PPP2R2B: variants seen among roughly 807,000 people sequenced by gnomAD.
The protein encoded by PPP2R2B is serine/threonine-protein phosphatase 2A 55 kDa regulatory subunit B beta isoform.
PPP2R2B carries 5 observed loss-of-function variants against 46.0 expected under a neutral mutation model. That is an observed-to-expected ratio of 0.11 (90% CI 0.06 to 0.23). The LOEUF (loss-of-function observed/expected upper bound fraction) is 0.23, where lower values mean the gene tolerates loss of function less well. Among genes scored for constraint, PPP2R2B ranks in the 10% least tolerant of loss-of-function variants. The pLI is 1.00. For missense variants in PPP2R2B, 367 were observed against 575.0 expected (o/e 0.64, Z 3.70); for synonymous variants, 215 against 206.7 (o/e 1.04, Z -0.34).
intron 2 of PPP2R2B, among the ~76,000 whole-genome samples, chr5:146,799,573 G>T (rs1561916406): frequency 6.6e-6 from 1 of 152,126 alleles, no homozygotes; most frequent in Non-Finnish European, 1.5e-5. Context: ...TGAGTTTTGG[G>T]TTAAAAGTGC....
At chr5:146,602,211 CATT>C in intron 7 of PPP2R2B, among the ~76,000 whole-genome samples, 1 of 152,212 alleles carries the variant, frequency 6.6e-6, no homozygotes, top group Non-Finnish European at 1.5e-5. Flanking sequence ...TCATTTTTCA[CATT>C]ATTATTATTA....
chr5:146,722,964 C>A (rs1751621083), intron 2 of PPP2R2B, among the ~76,000 whole-genome samples: 1 of 152,180 alleles, frequency 6.6e-6, no homozygotes, highest in Non-Finnish European at 1.5e-5. Context: ...GTGCCTTTCT[C>A]TGCCTGGAAC....
At chr5:147,027,810 T>A (rs1295560969) in intron 1 of PPP2R2B, among the ~76,000 whole-genome samples, 1 of 152,172 alleles carries the variant, frequency 6.6e-6, no homozygotes, top group Non-Finnish European at 1.5e-5. Flanking sequence ...GTGCATTTTA[T>A]TGCATATAAA....
intron 2 of PPP2R2B, among the ~76,000 whole-genome samples, chr5:146,758,694 T>C (rs973116173): frequency 2.0e-5 from 3 of 151,840 alleles, no homozygotes; most frequent in Admixed American, 6.6e-5. Context: ...ACGGGTCAAA[T>C]GAAAGAAAGG....
chr5:146,599,026 C>CCCCCACTT lies in PPP2R2B; in HGVS notation c.960+1257_960+1264dup, dbSNP rs559739182. On this transcript the variant is annotated intron_variant, in intron 8 of 9. Transcript: ENST00000394411. ...TAAGTCAAATCCTTCTGTCTAGAAT[C>CCCCCACTT]CCCCACTTCTTTTTATCTAACCCCA... 5.3e-5 allele frequency among the ~76,000 whole-genome samples: 8 copies of CCCCCACTT among 152,160 alleles called. No homozygotes were observed. The East Asian group carries it at 1.5e-3, about 29-fold the overall frequency.
chr5:147,030,615 T>A (rs1755735131), intron 1 of PPP2R2B, among the ~76,000 whole-genome samples: 1 of 152,196 alleles, frequency 6.6e-6, no homozygotes, highest in African/African-American at 2.4e-5. Flanking sequence ...TCTATTAGCT[T>A]GTAACTGATG....
intron 2 of PPP2R2B, among the ~76,000 whole-genome samples, chr5:146,724,889 G>T (rs13340393): frequency 0.23 from 35,595 of 151,930 alleles, 4,545 homozygotes; most frequent in East Asian, 0.38. Context: ...TTGACCTTAA[G>T]AGGATGATTG....
chr5:146,707,150 C>G, intron 2 of PPP2R2B: 3 of 1,596,182 alleles, frequency 1.9e-6, no homozygotes, highest in Non-Finnish European at 2.5e-6. Context: ...TTCTCCTGGC[C>G]CAGAGTCTCC....
chr5:146,911,030 A>G (rs184507841), intron 1 of PPP2R2B, among the ~76,000 whole-genome samples: 1 of 151,350 alleles, frequency 6.6e-6, no homozygotes, highest in Admixed American at 6.6e-5. Flanking sequence ...CATCTTTTAT[A>G]TCATAGTTCA....
intron 3 of PPP2R2B, among the ~76,000 whole-genome samples, 155 bp from the exon 4 acceptor site, chr5:146,698,299 A>G (rs566834673): frequency 5.2e-4 from 23 of 43,866 alleles, no homozygotes; most frequent in South Asian, 1.9e-3. Flanking sequence ...AGCACCTCTG[A>G]AAAAAAAAAA....
At chr5:146,986,139 T>C (rs1753419463) in intron 1 of PPP2R2B, among the ~76,000 whole-genome samples, 1 of 152,116 alleles carries the variant, frequency 6.6e-6, no homozygotes, top group Admixed American at 6.5e-5. Context: ...GGAAGGACAG[T>C]CCCACATTGC....
chr5:146,856,681 C>T (rs544361760), intron 2 of PPP2R2B: 9 of 805,264 alleles, frequency 1.1e-5, no homozygotes. Context: ...CCACATACCC[C>T]CTACCATCTC....
intron 7 of PPP2R2B, among the ~76,000 whole-genome samples, chr5:146,614,299 T>C (rs1041118607): frequency 1.1e-5 from 1 of 90,568 alleles, no homozygotes; most frequent in Admixed American, 1.2e-4. Context: ...GCTAGCCATA[T>C]GTAGAAAGCT....
At chr5:147,022,399 T>TAA (rs34830622) in intron 1 of PPP2R2B, among the ~76,000 whole-genome samples, 24 of 135,674 alleles carry the variant, frequency 1.8e-4, no homozygotes, top group African/African-American at 5.8e-4. Flanking sequence ...TCTGCTAAAA[T>TAA]AAAAAAAAAA....
chr5:146,849,476 G>A (rs1760211074), intron 2 of PPP2R2B, among the ~76,000 whole-genome samples: 2 of 152,082 alleles, frequency 1.3e-5, no homozygotes, highest in Admixed American at 1.3e-4. Context: ...TGTATCCCAA[G>A]TATAGTGCTT....
chr5:147,044,461 A>T (rs1159185605), intron 1 of PPP2R2B, among the ~76,000 whole-genome samples: 2 of 152,142 alleles, frequency 1.3e-5, no homozygotes, highest in African/African-American at 4.8e-5. Flanking sequence ...GTGCTACAAG[A>T]CTGGGGCAGC....
In PPP2R2B at chr5:146,967,451, T is replaced by G. The variant is rs548867137; in HGVS notation, c.79+88214A>C. 7.2e-5 allele frequency among the ~76,000 whole-genome samples: 11 copies of G among 152,352 alleles called. 1 individual carries two copies. The East Asian group carries it at 2.1e-3, about 29-fold the overall frequency. On this transcript the variant is annotated intron_variant, in intron 1 of 8. Coordinates refer to the PPP2R2B transcript ENST00000336640. ...GGTTCCATTGATATTATTCCTATTT[T>G]ATAAATGAGGACACTGAGGGACAGA... is the stretch of plus-strand genomic sequence containing the variant.
chr5:146,748,972 C>T (rs1034214571), intron 2 of PPP2R2B, among the ~76,000 whole-genome samples: 1 of 152,040 alleles, frequency 6.6e-6, no homozygotes, highest in Non-Finnish European at 1.5e-5. Context: ...TAAGAAATTG[C>T]CAAGTTGTTT....
rs1328511218 is a variant in PPP2R2B, at chr5:146,583,700, A to AAATG, written c.*6243_*6246dup. On this transcript the variant is annotated 3_prime_UTR_variant, in exon 10 of 10. Coordinates refer to ENST00000394411, the MANE Select transcript of PPP2R2B (RefSeq NM_181675.4). ...CATGAACAATCATTAACCATTTAGT[A>AAATG]AATGAATGAATGAATGCATGAAATT... is the stretch of plus-strand genomic sequence containing the variant. The AAATG allele has an allele frequency of 6.6e-6, 1 of 152,190 alleles. No individual in the cohort carries two copies. The highest frequency in any genetic ancestry group is 1.5e-5 in the Non-Finnish European group (1 of 68,034). 9.4% of individuals were successfully genotyped at this position (152,190 alleles called of 1,614,324 possible).
Sources: allele counts gnomAD v4.1 joint callset (sites outside exome capture counted in the v4.1 genomes callset), GRCh38; gene constraint gnomAD v4.1.1; transcripts MANE v1.5; gene names NCBI Gene and HGNC (gene_info 2026-07-23, HGNC 2026-07-21).